The following GALNT11 variants were observed in gnomAD, a reference collection of about 807,000 sequenced individuals.
GALNT11 encodes polypeptide N-acetylgalactosaminyltransferase 11.
In GALNT11, 47 loss-of-function variants were observed where a neutral mutation model predicts 72.7. That is an observed-to-expected ratio of 0.65 (90% CI 0.51 to 0.82). The LOEUF (loss-of-function observed/expected upper bound fraction) is 0.82, where lower values mean the gene tolerates loss of function less well. Among genes scored for constraint, GALNT11 ranks in the 40% least tolerant of loss-of-function variants. The probability of loss-of-function intolerance (pLI) is 0.00; values close to 1 mark genes in which losing one functional copy is unlikely to be tolerated. For missense variants in GALNT11, 677 were observed against 778.4 expected (o/e 0.87, Z 1.55); for synonymous variants, 270 against 286.6 (o/e 0.94, Z 0.58).
At chr7:152,030,606 CTG>C (rs1462537656) in intron 1 of GALNT11, among the ~76,000 whole-genome samples, 2 of 152,202 alleles carry the variant, frequency 1.3e-5, no homozygotes, top group Non-Finnish European at 2.9e-5. Flanking sequence ...ATAGGGTACA[CTG>C]TTTTTTCTTT....
In GALNT11 at chr7:152,118,886, GC is replaced by G. The variant is rs2089151715; in HGVS notation, c.1557+105del. On this transcript the variant is annotated intron_variant, in intron 10 of 11. Coordinates refer to ENST00000430044, the MANE Select transcript of GALNT11 (RefSeq NM_022087.4). ...GAGGACATCAGTGTCTACTATTCTGGCTTTTCTTAACCCATTTCTGTGTAGT... is the reference window on the plus strand; with the variant it reads ...GAGGACATCAGTGTCTACTATTCTGGTTTTCTTAACCCATTTCTGTGTAGT... 1.4e-5 allele frequency: 12 copies of G among 863,074 alleles called. No individual in the cohort carries two copies. In the South Asian group the frequency reaches 2.4e-4, roughly 17 times the overall value. The allele number at this position is 863,074 out of a possible 1,614,324, so 53.5% of individuals were successfully genotyped here.
chr7:152,121,477 ATC>A (rs1015559210), intron 11 of GALNT11, 67 bp from the exon 12 acceptor site: 22 of 1,559,048 alleles, frequency 1.4e-5, no homozygotes, highest in Non-Finnish European at 1.8e-5. Context: ...TAAGTGCTCC[ATC>A]TCTCCTCTGG....
At chr7:152,064,080 T>C (rs1023625643) in intron 1 of GALNT11, among the ~76,000 whole-genome samples, 2 of 152,172 alleles carry the variant, frequency 1.3e-5, no homozygotes, top group Non-Finnish European at 2.9e-5. Context: ...GCCATTATTA[T>C]TGTGTGGGAG....
At chr7:152,078,942 C>T (rs2085148844) in intron 1 of GALNT11, among the ~76,000 whole-genome samples, 2 of 152,236 alleles carry the variant, frequency 1.3e-5, no homozygotes, top group South Asian at 4.2e-4. Flanking sequence ...GGGCAGAGCC[C>T]CTCACTGGCA....
intron 3 of GALNT11, 125 bp from the exon 4 acceptor site, chr7:152,102,987 A>T: frequency 1.1e-6 from 1 of 949,718 alleles, no homozygotes; most frequent in Non-Finnish European, 1.5e-6. Flanking sequence ...GTCTCAAAAA[A>T]AAAAAAAAAG....
At chr7:152,047,094 T>C (rs1319944174) in intron 1 of GALNT11, among the ~76,000 whole-genome samples, 1 of 152,184 alleles carries the variant, frequency 6.6e-6, no homozygotes, top group African/African-American at 2.4e-5. Flanking sequence ...AACTACATGT[T>C]GGCCAGGTGC....
At chr7:152,103,645 TG>T in intron 4 of GALNT11, 1 of 191,432 alleles carries the variant, frequency 5.2e-6, no homozygotes, top group South Asian at 1.1e-4. Flanking sequence ...ACAGTGTGTG[TG>T]GTCCAGGGTC....
At chr7:152,117,075 C>T (rs760329899) in intron 8 of GALNT11, 82 bp from the exon 9 acceptor site, 50 of 1,188,036 alleles carry the variant, frequency 4.2e-5, no homozygotes, top group Non-Finnish European at 5.5e-5. Context: ...TGGACTTAAT[C>T]GTGTAAAAAA....
intron 1 of GALNT11, among the ~76,000 whole-genome samples, chr7:152,062,261 T>C (rs1327634439): frequency 6.6e-6 from 1 of 151,856 alleles, no homozygotes; most frequent in Non-Finnish European, 1.5e-5. Flanking sequence ...CACGCATGAT[T>C]TGGCTGTCTG....
chr7:152,044,383 G>A (rs2083017524), intron 1 of GALNT11, among the ~76,000 whole-genome samples: 1 of 152,136 alleles, frequency 6.6e-6, no homozygotes, highest in Admixed American at 6.5e-5. Context: ...CCCTGGGTGG[G>A]CCAGGTGTTC....
At chr7:152,089,500 T>G (rs1479934871) in intron 1 of GALNT11, among the ~76,000 whole-genome samples, 1 of 152,226 alleles carries the variant, frequency 6.6e-6, no homozygotes, top group Non-Finnish European at 1.5e-5. Flanking sequence ...CTGTGTCCTG[T>G]CTCCATTGGC....
rs536417425 is a variant in GALNT11 at position 152,031,905 on chromosome 7, C to T, written c.-39+6021C>T. Among the ~76,000 whole-genome samples, 24 of 152,224 alleles carry T rather than the reference C, an allele frequency of 1.6e-4. No homozygotes were observed. In the East Asian group the frequency reaches 4.0e-3, roughly 26 times the overall value. On this transcript the variant is annotated intron_variant, in intron 1 of 11. Transcript: ENST00000430044. ...TCTGGGGATCCATAGTTGGCAAAAG[C>T]GGTGATTTGAAGGAACCCCCACAAC...
intron 1 of GALNT11, among the ~76,000 whole-genome samples, chr7:152,091,333 C>T (rs555358631): frequency 6.5e-4 from 99 of 152,106 alleles, no homozygotes; most frequent in African/African-American, 2.3e-3. Context: ...CTCCCCCTCC[C>T]GGGTTCAAGC....
intron 1 of GALNT11, among the ~76,000 whole-genome samples, chr7:152,029,379 T>A (rs1285272301): frequency 1.3e-5 from 2 of 152,182 alleles, no homozygotes; most frequent in Non-Finnish European, 1.5e-5. Context: ...TCTAACCCTA[T>A]AGGTAGGGGT....
intron 1 of GALNT11, among the ~76,000 whole-genome samples, chr7:152,031,020 C>A (rs2082283341): frequency 6.6e-6 from 1 of 152,250 alleles, no homozygotes; most frequent in Admixed American, 6.5e-5. Flanking sequence ...TAGAAACTCC[C>A]TTTCTTTCCA....
intron 1 of GALNT11, among the ~76,000 whole-genome samples, chr7:152,090,386 T>C (rs1481892238): frequency 6.6e-6 from 1 of 152,252 alleles, no homozygotes; most frequent in Non-Finnish European, 1.5e-5. Context: ...GTTATATTTT[T>C]CTTAATTCAT....
intron 1 of GALNT11, among the ~76,000 whole-genome samples, chr7:152,057,429 C>T (rs1420293200): frequency 1.3e-5 from 2 of 151,516 alleles, no homozygotes; most frequent in African/African-American, 4.9e-5. Context: ...GTCTCAGCCT[C>T]CTAAGTAGCT....
chr7:152,064,094 A>G (rs1004219154), intron 1 of GALNT11, among the ~76,000 whole-genome samples: 10 of 152,264 alleles, frequency 6.6e-5, no homozygotes, highest in African/African-American at 2.4e-4. Flanking sequence ...GTGGGAGTCT[A>G]AGTCTCTTTG....
Position 152,121,708 on chromosome 7 carries a change from T to G in GALNT11, c.*31T>G. 6.2e-7 allele frequency: 1 copy of G among 1,604,156 alleles called. No individual in the cohort carries two copies. Among genetic ancestry groups the G allele is most frequent in the Non-Finnish European group, 8.5e-7 (1 of 1,173,422 alleles). On this transcript the variant is annotated 3_prime_UTR_variant, in exon 12 of 12. Coordinates refer to ENST00000430044, the MANE Select transcript of GALNT11 (RefSeq NM_022087.4). ...ATGCTGTGGTGGGAACGTTGCTTCA[T>G]CAGGCGTTGCCTCCGGTGTGGAGTT...
Sources: gnomAD v4.1 joint callset for allele counts (sites outside exome capture counted in the v4.1 genomes callset) on GRCh38, gnomAD v4.1.1 for gene constraint, MANE v1.5 for transcripts, NCBI Gene and HGNC (gene_info 2026-07-23, HGNC 2026-07-21) for gene names.